Variants in SNX13 observed in about 807,000 individuals in gnomAD.
SNX13 encodes sorting nexin 13.
Under a neutral mutation model 133.6 loss-of-function variants are expected in SNX13, and 45 were observed. The observed-to-expected ratio is 0.34, with a 90% CI of 0.27 to 0.43. The LOEUF (loss-of-function observed/expected upper bound fraction) is 0.43, where lower values mean the gene tolerates loss of function less well. Ranked by LOEUF, SNX13 falls within the 20% of genes least tolerant of loss-of-function variation. The probability of loss-of-function intolerance (pLI) is 1.00; values close to 1 mark genes in which losing one functional copy is unlikely to be tolerated. For missense variants in SNX13, 1,032 were observed against 1,145.1 expected (o/e 0.90, Z 1.43); for synonymous variants, 414 against 373.9 (o/e 1.11, Z -1.24).
chr7:17,871,152 C>CACG, intron 8 of SNX13, among the ~76,000 whole-genome samples: 1 of 152,014 alleles, frequency 6.6e-6, no homozygotes, highest in South Asian at 2.1e-4. Flanking sequence ...ATGACAGGCG[C>CACG]CTGCCACCAT....
At chr7:17,823,152 T>C (rs1257261376) in intron 17 of SNX13, among the ~76,000 whole-genome samples, 3 of 152,182 alleles carry the variant, frequency 2.0e-5, no homozygotes, top group Admixed American at 2.0e-4. Context: ...TATGAGCCCC[T>C]TGCTTTAACA....
chr7:17,824,904 G>T (rs1301969546), intron 17 of SNX13, among the ~76,000 whole-genome samples: 1 of 151,920 alleles, frequency 6.6e-6, no homozygotes, highest in Admixed American at 6.6e-5. Context: ...CTAGTAGCTG[G>T]GACTACAGGT....
intron 9 of SNX13, among the ~76,000 whole-genome samples, chr7:17,863,083 G>GTTC (rs1165296370): frequency 6.6e-6 from 1 of 152,154 alleles, no homozygotes; most frequent in Admixed American, 6.5e-5. Context: ...GAACTGCTCT[G>GTTC]TCACAGCACA....
chr7:17,827,961 AT>A (rs1327418750), intron 16 of SNX13, among the ~76,000 whole-genome samples: 2 of 151,716 alleles, frequency 1.3e-5, no homozygotes, highest in African/African-American at 2.4e-5. Context: ...AAAATAATCT[AT>A]TTTTTTAAAA....
chr7:17,911,298 G>A (rs576990606), intron 1 of SNX13, among the ~76,000 whole-genome samples: 2 of 152,270 alleles, frequency 1.3e-5, no homozygotes, highest in Non-Finnish European at 2.9e-5. Context: ...GTGTGAAGTA[G>A]TACTTAACGT....
chr7:17,855,202 CAGA>C (rs1400913487), intron 9 of SNX13, among the ~76,000 whole-genome samples: 4 of 152,112 alleles, frequency 2.6e-5, no homozygotes, highest in Non-Finnish European at 4.4e-5. Context: ...AAGGAAACTG[CAGA>C]AGAAGAGTTT....
rs371724081 is a variant in SNX13 at position 17,801,701 on chromosome 7, A to G, written c.2227-42T>C. On this transcript the variant is annotated intron_variant, in intron 21 of 25. Transcript: ENST00000428135. The stretch of plus-strand genomic sequence containing the variant: ...ATCCACAAAGTAAACACACTAAAGC[A>G]GACAGTGAAAGAACACAACACAATC... The G allele has an allele frequency of 4.2e-6, 6 of 1,417,440 alleles. No individual in the cohort carries two copies. The African/African-American group carries it at 8.5e-5, about 20-fold the overall frequency. 87.8% of individuals were successfully genotyped at this position (1,417,440 alleles called of 1,614,324 possible).
intron 14 of SNX13, 64 bp downstream of exon 14, chr7:17,834,697 T>C (rs1343095241): frequency 9.2e-7 from 1 of 1,088,250 alleles, no homozygotes; most frequent in South Asian, 1.7e-5. Flanking sequence ...AAAAACTAAT[T>C]ACATTACATA....
chr7:17,913,065 T>G (rs79899473), intron 1 of SNX13, among the ~76,000 whole-genome samples: 2,179 of 151,864 alleles, frequency 0.014, 48 homozygotes, highest in African/African-American at 0.05. Context: ...TCAGGGAGAG[T>G]GTCTCACTAG....
At chr7:17,800,346 C>G (rs1784481554) in intron 22 of SNX13, among the ~76,000 whole-genome samples, 1 of 151,610 alleles carries the variant, frequency 6.6e-6, no homozygotes, top group Non-Finnish European at 1.5e-5. Flanking sequence ...TAAAATAAAT[C>G]TGCCTAATAG....
At chr7:17,884,657 T>C (rs1215315990) in intron 5 of SNX13, among the ~76,000 whole-genome samples, 1 of 152,208 alleles carries the variant, frequency 6.6e-6, no homozygotes, top group Admixed American at 6.5e-5. Context: ...TATGAACATT[T>C]CATTTTTCAT....
chr7:17,814,608 A>G (rs1786439629), intron 20 of SNX13, among the ~76,000 whole-genome samples: 1 of 152,128 alleles, frequency 6.6e-6, no homozygotes, highest in Admixed American at 6.6e-5. Context: ...TACCATTTCA[A>G]ATTTTTTATT....
At position 17,868,306 on chromosome 7, in the gene SNX13, T is replaced by C. The variant is rs558766384; in HGVS notation, c.837+101A>G. 34 of 809,840 alleles carry C rather than the reference T, an allele frequency of 4.2e-5. 1 individual carries two copies. The South Asian group carries it at 5.7e-4, about 14-fold the overall frequency. 50.2% of individuals were successfully genotyped at this position (809,840 alleles called of 1,614,324 possible). On this transcript the variant is annotated intron_variant, in intron 9 of 25. Coordinates refer to ENST00000428135, the MANE Select transcript of SNX13 (RefSeq NM_015132.5). ...TACTTCAGAAACATTTTTACTTAAT[T>C]TCTTTAATAAATTACTGCTTAAACA...
intron 9 of SNX13, among the ~76,000 whole-genome samples, chr7:17,852,026 G>A (rs1015313109): frequency 9.9e-5 from 15 of 152,056 alleles, no homozygotes; most frequent in African/African-American, 1.2e-4. Flanking sequence ...GGCCAAAAAC[G>A]TAGGAAAAAA....
chr7:17,902,766 A>T (rs970639001), intron 1 of SNX13, among the ~76,000 whole-genome samples: 1 of 152,166 alleles, frequency 6.6e-6, no homozygotes, highest in African/African-American at 2.4e-5. Context: ...CAGGCTGCAG[A>T]CCATTAGGAA....
chr7:17,914,765 A>G (rs1036978220), intron 1 of SNX13, among the ~76,000 whole-genome samples: 1 of 152,220 alleles, frequency 6.6e-6, no homozygotes, highest in African/African-American at 2.4e-5. Context: ...TTGCTGTCAC[A>G]AAAGCACACG....
chr7:17,900,649 G>A (rs1056455108), intron 1 of SNX13, among the ~76,000 whole-genome samples: 2 of 152,148 alleles, frequency 1.3e-5, no homozygotes, highest in Non-Finnish European at 2.9e-5. Context: ...TAAGGACCAA[G>A]GGCTCTTCTG....
At chr7:17,840,853 GGC>G (rs1789787099) in intron 12 of SNX13, among the ~76,000 whole-genome samples, 1 of 152,058 alleles carries the variant, frequency 6.6e-6, no homozygotes, top group Admixed American at 6.6e-5. Flanking sequence ...CAAGTGCAAT[GGC>G]AGAATCTGAT....
intron 6 of SNX13, 39 bp downstream of exon 6, chr7:17,875,630 T>C: frequency 6.2e-7 from 1 of 1,606,874 alleles, no homozygotes; most frequent in Non-Finnish European, 8.5e-7. Context: ...GGAAAACAGA[T>C]TTTCAAATCC....
Sources: allele counts gnomAD v4.1 joint callset (sites outside exome capture counted in the v4.1 genomes callset), GRCh38; gene constraint gnomAD v4.1.1; transcripts MANE v1.5; gene names NCBI Gene and HGNC (gene_info 2026-07-23, HGNC 2026-07-21).